Variants in GPATCH2L observed in about 807,000 individuals in gnomAD.
GPATCH2L encodes G-patch domain containing 2 like, also known as G patch domain-containing protein 2-like.
Under a neutral mutation model 57.4 loss-of-function variants are expected in GPATCH2L, and 31 were observed. The ratio of observed to expected loss-of-function variants is 0.54; its 90% CI spans 0.41 to 0.73. The LOEUF is 0.73. GPATCH2L is among the 30% of genes least tolerant of loss of function. The pLI is 0.00. For synonymous variants in GPATCH2L, 199 were observed against 210.7 expected (o/e 0.94, Z 0.48); for missense variants, 481 against 599.9 (o/e 0.80, Z 2.07).
Position 76,209,707 on chromosome 14 carries a change from CA to C in GPATCH2L, c.*7859del, listed in dbSNP as rs2040418863. On this transcript the variant is annotated 3_prime_UTR_variant, in exon 10 of 10. Coordinates refer to ENST00000261530, the MANE Select transcript of GPATCH2L (RefSeq NM_017926.4). Reference sequence around the variant, plus strand: ...CCTTGAACTTCATGTTGATTTTTATCAAAGAACTTTTTATTGGGGCATCAGC... The same window carrying C: ...CCTTGAACTTCATGTTGATTTTTATCAAGAACTTTTTATTGGGGCATCAGC... The C allele has an allele frequency of 6.6e-6, 1 of 152,170 alleles. No individual in the cohort carries two copies. The highest frequency in any genetic ancestry group is 1.5e-5 in the Non-Finnish European group (1 of 68,034). The allele number at this position is 152,170 out of a possible 1,614,324, so 9.4% of individuals were successfully genotyped here.
intron 1 of GPATCH2L, among the ~76,000 whole-genome samples, chr14:76,220,531 A>C (rs74067670): frequency 4.5e-4 from 68 of 152,322 alleles, no homozygotes; most frequent in African/African-American, 1.5e-3. Flanking sequence ...GAAGTACCTG[A>C]TAGTACAAGT....
In GPATCH2L at chr14:76,154,863, G is replaced by A. The variant is rs1210981161; in HGVS notation, c.500G>A (p.Arg167His). ...GCRFKSAKKQRLSRWKENTPW... is the reference protein window; with the variant it reads ...GCRFKSAKKQHLSRWKENTPW... Reference sequence around the variant, plus strand: ...AGGTTCAAGTCTGCTAAGAAGCAGCGTCTGTCCCGCTGGAAGGAGAATACT... The same window carrying A: ...AGGTTCAAGTCTGCTAAGAAGCAGCATCTGTCCCGCTGGAAGGAGAATACT... The change falls in exon 2 of 10, where the codon CGT becomes CAT. Residue 167 changes from arginine to histidine, a missense_variant. Around this residue, in one of 3 missense-constraint regions of GPATCH2L, gnomAD observed 208 missense variants for 272.4 expected, o/e 0.76. Coordinates refer to ENST00000261530, the MANE Select transcript of GPATCH2L (RefSeq NM_017926.4). This position sits in a 1 kb window ranked among gnomAD's most constrained non-coding sequence, Gnocchi z 4.4. 4 of 1,614,220 alleles carry A rather than the reference G, an allele frequency of 2.5e-6. No homozygotes were observed. Among genetic ancestry groups the A allele is most frequent in the South Asian group, 1.1e-5 (1 of 91,082 alleles).
chr14:76,208,772 C>T lies in GPATCH2L; in HGVS notation c.*6921C>T, dbSNP rs932987504. 6.6e-6 allele frequency: 1 copy of T among 152,296 alleles called. No individual in the cohort carries two copies. Among genetic ancestry groups the T allele is most frequent in the African/African-American group, 2.4e-5 (1 of 41,448 alleles). The allele number at this position is 152,296 out of a possible 1,614,324, so 9.4% of individuals were successfully genotyped here. A position where few individuals can be genotyped will look rare whatever the true frequency, so the allele number is the denominator to read the frequency against. On this transcript the variant is annotated 3_prime_UTR_variant, in exon 10 of 10. Transcript: ENST00000261530. ...AGACCTTTCCTCAACCCTTTGAAAG[C>T]CTGAGTACCACTAAGGTATACTGCC...
rs1363335369 is a variant in GPATCH2L at position 76,204,351 on chromosome 14, T to G, written c.*2500T>G. The G allele has an allele frequency of 6.6e-6, 1 of 152,242 alleles. No homozygotes were observed. Among genetic ancestry groups the G allele is most frequent in the Non-Finnish European group, 1.5e-5 (1 of 68,040 alleles). The allele number at this position is 152,242 out of a possible 1,614,324, so 9.4% of individuals were successfully genotyped here. ...TACCTGTAATAAATGGGGAGAAAATTAGTTGCCTGAGAGAACAGAATATTA... is the reference window on the plus strand; with the variant it reads ...TACCTGTAATAAATGGGGAGAAAATGAGTTGCCTGAGAGAACAGAATATTA... On this transcript the variant is annotated 3_prime_UTR_variant, in exon 10 of 10. Transcript: ENST00000261530.
chr14:76,155,196 C>CT (rs1402999262), intron 2 of GPATCH2L, among the ~76,000 whole-genome samples, 171 bp downstream of exon 2: 1 of 152,166 alleles, frequency 6.6e-6, no homozygotes, highest in African/African-American at 2.4e-5. Context: ...ATTCATGAGT[C>CT]TATTTCCCTC....
rs568203847 is a variant in GPATCH2L, at chr14:76,213,573, A to G, written c.*11722A>G. 1.3e-5 allele frequency: 2 copies of G among 152,288 alleles called. No individual in the cohort carries two copies. The highest frequency in any genetic ancestry group is 4.8e-5 in the African/African-American group (2 of 41,566). The allele number at this position is 152,288 out of a possible 1,614,324, so 9.4% of individuals were successfully genotyped here. A position where few individuals can be genotyped will look rare whatever the true frequency, so the allele number is the denominator to read the frequency against. ...CCAAGCAAAAGCTCACCAGCCAGAG[A>G]TAAAGTGAGGCCAGCTCAGGGAATG... On this transcript the variant is annotated 3_prime_UTR_variant, in exon 10 of 10. Transcript: ENST00000261530.
At chr14:76,152,395 T>G in intron 1 of GPATCH2L, 1 of 260,710 alleles carries the variant, frequency 3.8e-6, no homozygotes, top group Non-Finnish European at 7.8e-6. Flanking sequence ...AGACTTGCAT[T>G]TTGGCAGTTT....
At chr14:76,186,259 A>AAG (rs906662837) in intron 8 of GPATCH2L, among the ~76,000 whole-genome samples, 2 of 152,216 alleles carry the variant, frequency 1.3e-5, no homozygotes, top group African/African-American at 2.4e-5. Flanking sequence ...GTTAAAAAAA[A>AAG]AGAGAGAGAG....
intron 2 of GPATCH2L, 55 bp from the exon 3 acceptor site, chr14:76,166,608 T>A: frequency 8.4e-7 from 1 of 1,189,512 alleles, no homozygotes; most frequent in Admixed American, 1.7e-5. Flanking sequence ...AAGTGTACAG[T>A]GCTTTGTTTT....
intron 8 of GPATCH2L, among the ~76,000 whole-genome samples, chr14:76,190,937 C>A (rs372896491): frequency 2.6e-5 from 4 of 152,154 alleles, no homozygotes; most frequent in African/African-American, 9.7e-5. Context: ...GAGACTTTAA[C>A]TTATACTTAG....
chr14:76,212,668 C>T lies in GPATCH2L; in HGVS notation c.*10817C>T, dbSNP rs894202680. On this transcript the variant is annotated 3_prime_UTR_variant, in exon 10 of 10. Coordinates refer to ENST00000261530, the MANE Select transcript of GPATCH2L (RefSeq NM_017926.4). ...TAGTTGATGCATATTAGACTTTACC[C>T]TAAAAGTGGTAACTACACTTCAAAG... 2 of 151,992 alleles carry T rather than the reference C, an allele frequency of 1.3e-5. No homozygotes were observed. Among genetic ancestry groups the T allele is most frequent in the African/African-American group, 2.4e-5 (1 of 41,404 alleles). The allele number at this position is 151,992 out of a possible 1,614,324, so 9.4% of individuals were successfully genotyped here. A position where few individuals can be genotyped will look rare whatever the true frequency, so the allele number is the denominator to read the frequency against.
chr14:76,152,206 CCTTT>C (rs1479957173), intron 1 of GPATCH2L, among the ~76,000 whole-genome samples: 1 of 152,172 alleles, frequency 6.6e-6, no homozygotes. Flanking sequence ...CCCCTCTTCC[CCTTT>C]CTTCTTTCTG....
chr14:76,197,704 C>T (rs556826803), intron 9 of GPATCH2L, among the ~76,000 whole-genome samples: 3 of 152,244 alleles, frequency 2.0e-5, no homozygotes, highest in Non-Finnish European at 2.9e-5. Flanking sequence ...TCCGCTTTGC[C>T]GCTGTATTAA....
intron 2 of GPATCH2L, among the ~76,000 whole-genome samples, chr14:76,234,002 T>C (rs760827217): frequency 6.6e-6 from 1 of 151,982 alleles, no homozygotes; most frequent in Non-Finnish European, 1.5e-5. Context: ...CCTAGATACC[T>C]AGGAGGCTGA....
rs2040352891 is a variant in GPATCH2L at position 76,204,480 on chromosome 14, T to C, written c.*2629T>C. The C allele has an allele frequency of 6.6e-6, 1 of 152,222 alleles. No individual in the cohort carries two copies. Among genetic ancestry groups the C allele is most frequent in the African/African-American group, 2.4e-5 (1 of 41,468 alleles). The allele number at this position is 152,222 out of a possible 1,614,324, so 9.4% of individuals were successfully genotyped here. A position where few individuals can be genotyped will look rare whatever the true frequency, so the allele number is the denominator to read the frequency against. On this transcript the variant is annotated 3_prime_UTR_variant, in exon 10 of 10. Coordinates refer to ENST00000261530, the MANE Select transcript of GPATCH2L (RefSeq NM_017926.4). ...TTATTAATCAGTGTATTCTGCTTGCTTTCTGTATTAACCAGTTCCAGAGGA... is the reference window on the plus strand; with the variant it reads ...TTATTAATCAGTGTATTCTGCTTGCCTTCTGTATTAACCAGTTCCAGAGGA...
chr14:76,169,070 T>C (rs78663436), intron 3 of GPATCH2L, among the ~76,000 whole-genome samples: 3,189 of 152,342 alleles, frequency 0.021, 59 homozygotes, highest in Non-Finnish European at 0.03. Flanking sequence ...ACTATCCCCT[T>C]GTGGGGTTCC....
intron 4 of GPATCH2L, among the ~76,000 whole-genome samples, chr14:76,172,710 G>A (rs1158213590): frequency 6.6e-6 from 1 of 152,146 alleles, no homozygotes. Flanking sequence ...TATGATTCTA[G>A]GGTTCCCAGT....
intron 1 of GPATCH2L, among the ~76,000 whole-genome samples, chr14:76,222,870 C>T (rs866771282): frequency 2.6e-5 from 4 of 151,164 alleles, no homozygotes; most frequent in South Asian, 2.1e-4. Flanking sequence ...GCATGAGAAT[C>T]GCTTGAACCT....
At position 76,202,325 on chromosome 14, in the gene GPATCH2L, T is replaced by TTATC. The variant is rs2040323953; in HGVS notation, c.*475_*476insATCT. 1 of 152,842 alleles carries TTATC rather than the reference T, an allele frequency of 6.5e-6. No homozygotes were observed. The highest frequency in any genetic ancestry group is 2.4e-5 in the African/African-American group (1 of 41,456). The allele number at this position is 152,842 out of a possible 1,614,324, so 9.5% of individuals were successfully genotyped here. ...GTGTTCGCAGGAGATAAGGCTTGCC[T>TTATC]TTGAGCCTACTCTTGATTCATGCAG... On this transcript the variant is annotated 3_prime_UTR_variant, in exon 10 of 10. Coordinates refer to ENST00000261530, the MANE Select transcript of GPATCH2L (RefSeq NM_017926.4).
Sources: allele counts gnomAD v4.1 joint callset (sites outside exome capture counted in the v4.1 genomes callset), GRCh38; gene constraint gnomAD v4.1.1; regional missense constraint gnomAD v4.1.1; non-coding constraint Gnocchi (gnomAD v3.1); transcripts MANE v1.5; gene names NCBI Gene and HGNC (gene_info 2026-07-23, HGNC 2026-07-21).